Variants in TLNRD1 observed in about 807,000 individuals in gnomAD.
TLNRD1 encodes talin rod domain-containing protein 1.
A neutral mutation model predicts 19.5 loss-of-function variants in TLNRD1; 14 were observed. That is an observed-to-expected ratio of 0.72 (90% confidence interval 0.47 to 1.12). The LOEUF is 1.12. Ranked by LOEUF, TLNRD1 falls within the 50% of genes most tolerant of loss-of-function variation. The pLI is 0.00. For missense variants in TLNRD1, 569 were observed against 531.9 expected (o/e 1.07, Z -0.69); for synonymous variants, 345 against 261.7 (o/e 1.32, Z -3.07).
In TLNRD1 at chr15:81,003,573, A is replaced by T. The variant is rs1038019174; in HGVS notation, c.*213A>T. 1.8e-6 allele frequency: 1 copy of T among 540,578 alleles called. No homozygotes were observed. The highest frequency in any genetic ancestry group is 3.3e-6 in the Non-Finnish European group (1 of 301,456). 33.5% of individuals were successfully genotyped at this position (540,578 alleles called of 1,614,324 possible). A position where few individuals can be genotyped will look rare whatever the true frequency, so the allele number is the denominator to read the frequency against. ...GGTGTCTCTCCACCAGCCCCCATGC[A>T]GTAGGGACTGGAAGATATGTCATCT... is the stretch of plus-strand genomic sequence containing the variant. On this transcript the variant is annotated 3_prime_UTR_variant, in exon 1 of 1. Coordinates refer to ENST00000267984, the MANE Select transcript of TLNRD1 (RefSeq NM_022566.3).
rs183274677 is a variant in TLNRD1 at position 81,004,219 on chromosome 15, A to C, written c.*859A>C. ...AAGAGAGGACTATGTGTAACGTTCT[A>C]TTTTAAAAGGCAGGTGACACAAATG... is the stretch of plus-strand genomic sequence containing the variant. On this transcript the variant is annotated 3_prime_UTR_variant, in exon 1 of 1. Transcript: ENST00000267984. The C allele has an allele frequency of 1.2e-5, 2 of 167,032 alleles. No individual in the cohort carries two copies. The highest frequency in any genetic ancestry group is 3.9e-4 in the East Asian group (2 of 5,194). 10.3% of individuals were successfully genotyped at this position (167,032 alleles called of 1,614,324 possible).
Position 81,002,784 on chromosome 15 carries a change from G to A in TLNRD1, c.513G>A (p.Pro171=), listed in dbSNP as rs1178995252. The A allele has an allele frequency of 1.3e-6, 2 of 1,552,976 alleles. No individual in the cohort carries two copies. Among genetic ancestry groups the A allele is most frequent in the Non-Finnish European group, 1.7e-6 (2 of 1,155,970 alleles). ...EQGCAVLRAT[P]LADMTPQLLL... ...GTTGCGCCGTGCTGCGCGCCACGCC[G>A]CTGGCCGACATGACGCCGCAGCTGC... Residue 171 remains proline, a synonymous_variant, in exon 1 of 1, where the codon CCG becomes CCA. Transcript: ENST00000267984.
Position 81,003,413 on chromosome 15 carries a change from CT to C in TLNRD1, c.*54del. 6.0e-6 allele frequency: 9 copies of C among 1,490,582 alleles called. No individual in the cohort carries two copies. Among genetic ancestry groups the C allele is most frequent in the Non-Finnish European group, 8.1e-6 (9 of 1,109,890 alleles). The allele number at this position is 1,490,582 out of a possible 1,614,324, so 92.3% of individuals were successfully genotyped here. A position where few individuals can be genotyped will look rare whatever the true frequency, so the allele number is the denominator to read the frequency against. ...CCCCCAGACTAAAGGAAGATACTTA[CT>C]CTCTGCCCCTCTCCATTTATACCAA... On this transcript the variant is annotated 3_prime_UTR_variant, in exon 1 of 1. Coordinates refer to ENST00000267984, the MANE Select transcript of TLNRD1 (RefSeq NM_022566.3).
In TLNRD1 at chr15:81,001,070, C is replaced by G. The variant is rs1041350783; in HGVS notation, c.-1202C>G. On this transcript the variant is annotated 5_prime_UTR_variant, in exon 1 of 1. Transcript: ENST00000267984. ...ACGGCCGCGCTCCGAGGTGAAGCCG[C>G]GCGCGGAGAGGAAGCGGGTGTTTTC... 6.6e-6 allele frequency: 1 copy of G among 152,470 alleles called. No homozygotes were observed. The highest frequency in any genetic ancestry group is 2.4e-5 in the African/African-American group (1 of 41,402). 9.4% of individuals were successfully genotyped at this position (152,470 alleles called of 1,614,324 possible). A position where few individuals can be genotyped will look rare whatever the true frequency, so the allele number is the denominator to read the frequency against.
chr15:81,002,313 T>G lies in TLNRD1; in HGVS notation c.42T>G (p.Ala14=). 7.3e-7 allele frequency: 1 copy of G among 1,376,488 alleles called. No individual in the cohort carries two copies. Among genetic ancestry groups the G allele is most frequent in the Non-Finnish European group, 9.4e-7 (1 of 1,060,078 alleles). 85.3% of individuals were successfully genotyped at this position (1,376,488 alleles called of 1,614,324 possible). A position where few individuals can be genotyped will look rare whatever the true frequency, so the allele number is the denominator to read the frequency against. ...CCGGGAAGCCCACTGGCGAGGCGGC[T>G]TCTCCGGCTCCTGCGAGCGCCATCG... ...GSAGKPTGEA[A]SPAPASAIGG... Residue 14 remains alanine, a synonymous_variant, in exon 1 of 1, where the codon GCT becomes GCG. Transcript: ENST00000267984.
rs1389916715 is a variant in TLNRD1 at position 81,003,361 on chromosome 15, C to A, written c.*1C>A. The A allele has an allele frequency of 6.3e-7, 1 of 1,591,212 alleles. No individual in the cohort carries two copies. Among genetic ancestry groups the A allele is most frequent in the South Asian group, 1.1e-5 (1 of 89,580 alleles). On this transcript the variant is annotated 3_prime_UTR_variant, in exon 1 of 1. Coordinates refer to ENST00000267984, the MANE Select transcript of TLNRD1 (RefSeq NM_022566.3). ...AGTGAATTCCAATTCTGTGAATTAG[C>A]ACCCCACCCCCATACCCCTTCTTCC...
At position 81,002,056 on chromosome 15, in the gene TLNRD1, G is replaced by A. The variant is rs566974331; in HGVS notation, c.-216G>A. 2.9e-4 allele frequency: 104 copies of A among 358,170 alleles called. No homozygotes were observed. The highest frequency in any genetic ancestry group is 1.9e-3 in the African/African-American group (90 of 46,438). The allele number at this position is 358,170 out of a possible 1,614,324, so 22.2% of individuals were successfully genotyped here. On this transcript the variant is annotated 5_prime_UTR_variant, in exon 1 of 1. Coordinates refer to ENST00000267984, the MANE Select transcript of TLNRD1 (RefSeq NM_022566.3). ...CTCCCCTTGCCCCGAAGAGCCTTCC[G>A]CGTTCTCTCGCCCTCGGGCCCACCC...
chr15:81,002,469 C>G lies in TLNRD1; in HGVS notation c.198C>G (p.Ala66=). The G allele has an allele frequency of 6.6e-7, 1 of 1,514,746 alleles. No homozygotes were observed. The allele number at this position is 1,514,746 out of a possible 1,614,324, so 93.8% of individuals were successfully genotyped here. A position where few individuals can be genotyped will look rare whatever the true frequency, so the allele number is the denominator to read the frequency against. The change falls in exon 1 of 1, where the codon GCC becomes GCG. Residue 66 remains alanine (A), a synonymous_variant. Coordinates refer to ENST00000267984, the MANE Select transcript of TLNRD1 (RefSeq NM_022566.3). ...EARPVLFEGP[A]SSGAGAESFE... ...GGCCCGTGCTCTTCGAGGGCCCCGC[C>G]TCCTCTGGTGCCGGCGCCGAGTCCT... is the stretch of plus-strand genomic sequence containing the variant.
chr15:81,002,774 G>C lies in TLNRD1; in HGVS notation c.503G>C (p.Arg168Pro), dbSNP rs1360451846. ...GTGGAGCAGGGTTGCGCCGTGCTGC[G>C]CGCCACGCCGCTGGCCGACATGACG... ...HEVEQGCAVLRATPLADMTPQ... is the reference protein window; with the variant it reads ...HEVEQGCAVLPATPLADMTPQ... Residue 168 changes from arginine to proline, a missense_variant, in exon 1 of 1, where the codon CGC (arginine) becomes CCC (proline). Transcript: ENST00000267984. The C allele has an allele frequency of 1.9e-6, 3 of 1,546,192 alleles. No homozygotes were observed. Among genetic ancestry groups the C allele is most frequent in the Non-Finnish European group, 2.6e-6 (3 of 1,152,292 alleles).
Position 81,002,191 on chromosome 15 carries a change from G to A in TLNRD1, c.-81G>A. 8.3e-7 allele frequency: 1 copy of A among 1,203,482 alleles called. No individual in the cohort carries two copies. Among genetic ancestry groups the A allele is most frequent in the Non-Finnish European group, 1.0e-6 (1 of 969,486 alleles). 74.6% of individuals were successfully genotyped at this position (1,203,482 alleles called of 1,614,324 possible). A position where few individuals can be genotyped will look rare whatever the true frequency, so the allele number is the denominator to read the frequency against. On this transcript the variant is annotated 5_prime_UTR_variant, in exon 1 of 1. Transcript: ENST00000267984. ...GGCCTTGGCCAGCTGAGTCGCGACG[G>A]CCGCCGGGGCGGCGGCAGTGGCCGC... is the stretch of plus-strand genomic sequence containing the variant.
Position 81,002,441 on chromosome 15 carries a change from C to A in TLNRD1, c.170C>A (p.Ala57Glu). 6.5e-7 allele frequency: 1 copy of A among 1,547,924 alleles called. No homozygotes were observed. The change falls in exon 1 of 1, where the codon GCG (alanine) becomes GAG (glutamate). Residue 57 changes from alanine (A) to glutamate (E), a missense_variant. By Grantham distance (107) the Ala-to-Glu change is moderately radical. Coordinates refer to ENST00000267984, the MANE Select transcript of TLNRD1 (RefSeq NM_022566.3). The stretch of plus-strand genomic sequence containing the variant: ...GACCTGCTGCTGCTGTCGAGCGAGG[C>A]GCGGCCCGTGCTCTTCGAGGGCCCC... ...VADLLLLSSE[A>E]RPVLFEGPAS... is the part of the protein sequence containing the mutation.
Position 81,002,631 on chromosome 15 carries a change from G to A in TLNRD1, c.360G>A (p.Val120=). 1.3e-6 allele frequency: 2 copies of A among 1,493,074 alleles called. No homozygotes were observed. Among genetic ancestry groups the A allele is most frequent in the Non-Finnish European group, 8.8e-7 (1 of 1,132,750 alleles). 92.5% of individuals were successfully genotyped at this position (1,493,074 alleles called of 1,614,324 possible). The part of the protein sequence containing the change: ...DSLVELGDLV[V]SLTECSAHAA... The stretch of plus-strand genomic sequence containing the variant: ...TGGTGGAGCTGGGCGACCTGGTGGT[G>A]TCGCTGACCGAGTGCTCGGCCCACG... Residue 120 remains valine, a synonymous_variant, in exon 1 of 1, where the codon GTG becomes GTA. Transcript: ENST00000267984.
chr15:81,003,277 G>A lies in TLNRD1; in HGVS notation c.1006G>A (p.Gly336Ser). 1 of 1,611,368 alleles carries A rather than the reference G, an allele frequency of 6.2e-7. No individual in the cohort carries two copies. The highest frequency in any genetic ancestry group is 8.5e-7 in the Non-Finnish European group (1 of 1,179,300). The change falls in exon 1 of 1, where the codon GGC becomes AGC. Residue 336 changes from glycine (G) to serine (S), a missense_variant. Physicochemically the swap from Gly to Ser is moderately conservative, Grantham distance 56. Coordinates refer to ENST00000267984, the MANE Select transcript of TLNRD1 (RefSeq NM_022566.3). Reference protein sequence around the residue: ...LRNSACAVSEGCTLLSQALRE... With the variant: ...LRNSACAVSESCTLLSQALRE... ...GAACTCGGCCTGCGCCGTGTCTGAA[G>A]GCTGCACCCTGCTATCTCAGGCTTT... is the stretch of plus-strand genomic sequence containing the variant.
At position 81,002,138 on chromosome 15, in the gene TLNRD1, T is replaced by C; in HGVS notation, c.-134T>C. 1 of 1,026,928 alleles carries C rather than the reference T, an allele frequency of 9.7e-7. No homozygotes were observed. Among genetic ancestry groups the C allele is most frequent in the South Asian group, 5.0e-5 (1 of 20,136 alleles). 63.6% of individuals were successfully genotyped at this position (1,026,928 alleles called of 1,614,324 possible). On this transcript the variant is annotated 5_prime_UTR_variant, in exon 1 of 1. An upstream start codon of the reference 5' UTR is lost. Coordinates refer to ENST00000267984, the MANE Select transcript of TLNRD1 (RefSeq NM_022566.3). ...AGTGCCCTCTGCCCGCGGCGGTGGA[T>C]GGCATGATGGTGCGGGGAAGGCACC...
rs1893457316 is a variant in TLNRD1, at chr15:81,003,725, A to C, written c.*365A>C. The C allele has an allele frequency of 4.9e-6, 1 of 203,956 alleles. No homozygotes were observed. Among genetic ancestry groups the C allele is most frequent in the African/African-American group, 2.3e-5 (1 of 42,846 alleles). 12.6% of individuals were successfully genotyped at this position (203,956 alleles called of 1,614,324 possible). On this transcript the variant is annotated 3_prime_UTR_variant, in exon 1 of 1. Transcript: ENST00000267984. ...ATTTTTGTTTTTTGTGTTTTTAATT[A>C]AAAGAAAGGTTACCTCAGTTTTCAC...
chr15:81,001,010 A>T lies in TLNRD1; in HGVS notation c.-1262A>T. ...GCGAGGCGCGGACGGGAACAGGAAA[A>T]GCCTCCGGCAGCCCCTGCGGGCGGC... On this transcript the variant is annotated 5_prime_UTR_variant, in exon 1 of 1. In the 5' UTR this introduces an upstream ATG that the reference lacks. Transcript: ENST00000267984. The T allele has an allele frequency of 6.5e-6, 1 of 154,222 alleles. No homozygotes were observed. The highest frequency in any genetic ancestry group is 1.4e-5 in the Non-Finnish European group (1 of 69,534). The allele number at this position is 154,222 out of a possible 1,614,324, so 9.6% of individuals were successfully genotyped here.
rs1375191036 is a variant in TLNRD1, at chr15:81,003,665, A to T, written c.*305A>T. 3 of 314,202 alleles carry T rather than the reference A, an allele frequency of 9.5e-6. No individual in the cohort carries two copies. The highest frequency in any genetic ancestry group is 1.8e-5 in the Non-Finnish European group (3 of 163,242). The allele number at this position is 314,202 out of a possible 1,614,324, so 19.5% of individuals were successfully genotyped here. ...TTCCGGAATTTCTCAACTAAATTTC[A>T]TTATTGGGCAGGAAGGAGGTCATGG... is the stretch of plus-strand genomic sequence containing the variant. On this transcript the variant is annotated 3_prime_UTR_variant, in exon 1 of 1. Transcript: ENST00000267984.
chr15:81,002,548 A>T lies in TLNRD1; in HGVS notation c.277A>T (p.Thr93Ser). ...IARTKGLSIL[T>S]HDVQSQLNMG... is the part of the protein sequence containing the mutation. ...GCGCACCAAGGGGCTCTCCATCCTC[A>T]CCCACGACGTGCAGAGCCAGCTCAA... The change falls in exon 1 of 1, where the codon ACC becomes TCC. Residue 93 changes from threonine (T) to serine (S), a missense_variant. Coordinates refer to ENST00000267984, the MANE Select transcript of TLNRD1 (RefSeq NM_022566.3). 6.9e-7 allele frequency: 1 copy of T among 1,456,192 alleles called. No individual in the cohort carries two copies. The highest frequency in any genetic ancestry group is 9.0e-7 in the Non-Finnish European group (1 of 1,108,798). The allele number at this position is 1,456,192 out of a possible 1,614,324, so 90.2% of individuals were successfully genotyped here.
rs1893479623 is a variant in TLNRD1, at chr15:81,005,560, C to T, written c.*2200C>T. On this transcript the variant is annotated 3_prime_UTR_variant, in exon 1 of 1. Transcript: ENST00000267984. ...GAAAAAAAGAATTGCCAGTTTTTTCCTGGACTCTTTCCTTGCAGAAGCGAT... is the reference window on the plus strand; with the variant it reads ...GAAAAAAAGAATTGCCAGTTTTTTCTTGGACTCTTTCCTTGCAGAAGCGAT... 1.2e-5 allele frequency: 2 copies of T among 166,778 alleles called. No homozygotes were observed. The highest frequency in any genetic ancestry group is 6.6e-5 in the Admixed American group (1 of 15,258). 10.3% of individuals were successfully genotyped at this position (166,778 alleles called of 1,614,324 possible). A position where few individuals can be genotyped will look rare whatever the true frequency, so the allele number is the denominator to read the frequency against.
Sources: allele counts gnomAD v4.1 joint callset, GRCh38; gene constraint gnomAD v4.1.1; transcripts MANE v1.5; gene names NCBI Gene and HGNC (gene_info 2026-07-23, HGNC 2026-07-21).